KLHL3: variants seen among roughly 807,000 people sequenced by gnomAD.
The protein encoded by KLHL3 is kelch-like protein 3.
A neutral mutation model predicts 70.5 loss-of-function variants in KLHL3; 19 were observed. The observed-to-expected ratio is 0.27, with a 90% CI of 0.19 to 0.40. The LOEUF (loss-of-function observed/expected upper bound fraction) is 0.40. Among genes scored for constraint, KLHL3 ranks in the 10% least tolerant of loss-of-function variants. The pLI, the probability that KLHL3 is intolerant of heterozygous loss-of-function variation, is 1.00. For missense variants in KLHL3, 512 were observed against 771.1 expected, an observed-to-expected ratio of 0.66 and a Z score of 3.98; for synonymous variants, 258 against 290.3, an observed-to-expected ratio of 0.89 and a Z score of 1.13.
chr5:137,689,753 CT>C, intron 5 of KLHL3, among the ~76,000 whole-genome samples: 1 of 152,318 alleles, frequency 6.6e-6, no homozygotes, highest in Admixed American at 6.5e-5. Context: ...GAAGCCAAAA[CT>C]CAGCATCACA....
Position 137,720,589 on chromosome 5 carries a change from G to C in KLHL3, c.15-5C>G, listed in dbSNP as rs1220334558. 1.2e-6 allele frequency: 2 copies of C among 1,613,708 alleles called. No homozygotes were observed. Among genetic ancestry groups the C allele is most frequent in the African/African-American group, 2.7e-5 (2 of 74,894 alleles). ...GTCTGGGAGCTCAGCTTGACACTGT[G>C]AACAGGAAGGAAGAGGGAGGGAAAG... On this transcript the variant is annotated splice_polypyrimidine_tract_variant and splice_region_variant and intron_variant, in intron 1 of 14. Coordinates refer to ENST00000309755, the MANE Select transcript of KLHL3 (RefSeq NM_017415.3).
intron 1 of KLHL3, 72 bp from the exon 2 acceptor site, chr5:137,720,656 GC>G: frequency 1.3e-6 from 2 of 1,599,558 alleles, no homozygotes; most frequent in Non-Finnish European, 1.7e-6. Context: ...ACTGCCAAAA[GC>G]CCATGCATTT....
intron 4 of KLHL3, among the ~76,000 whole-genome samples, chr5:137,692,854 A>ACACACACACAC (rs1561609024): frequency 6.6e-6 from 1 of 150,822 alleles, no homozygotes; most frequent in Non-Finnish European, 1.5e-5. Flanking sequence ...ACACACACAC[A>ACACACACACAC]ATGGTTCTCA....
intron 8 of KLHL3, among the ~76,000 whole-genome samples, chr5:137,649,101 G>T (rs1751133852): frequency 6.6e-6 from 1 of 152,144 alleles, no homozygotes; most frequent in African/African-American, 2.4e-5. Context: ...AGAGCACAGG[G>T]CCTCGGGCCA....
intron 6 of KLHL3, chr5:137,672,613 T>C (rs1410638385): frequency 6.6e-6 from 1 of 152,160 alleles, no homozygotes; most frequent in Non-Finnish European, 1.5e-5. Context: ...CTGAAAAGCC[T>C]CAATAGTGTT....
chr5:137,622,626 T>C (rs1421978251), intron 14 of KLHL3, among the ~76,000 whole-genome samples: 1 of 152,250 alleles, frequency 6.6e-6, no homozygotes, highest in Non-Finnish European at 1.5e-5. Flanking sequence ...CTATGGCCTT[T>C]GGCAAGTTCT....
intron 5 of KLHL3, among the ~76,000 whole-genome samples, chr5:137,691,597 C>T (rs1457523956): frequency 1.4e-5 from 2 of 142,672 alleles, no homozygotes; most frequent in Admixed American, 1.5e-4. Flanking sequence ...CGTTATAAGC[C>T]CTGCAATAGT....
At chr5:137,692,088 C>T (rs1237819259) in intron 5 of KLHL3, among the ~76,000 whole-genome samples, 197 bp downstream of exon 5, 3 of 152,224 alleles carry the variant, frequency 2.0e-5, no homozygotes, top group Non-Finnish European at 4.4e-5. Context: ...GTACCATCCC[C>T]TTGGCAATTA....
chr5:137,622,360 T>G (rs889035675), intron 14 of KLHL3, among the ~76,000 whole-genome samples: 3 of 152,208 alleles, frequency 2.0e-5, no homozygotes, highest in Non-Finnish European at 1.5e-5. Context: ...CACCACTGAC[T>G]AGTGGCCTCA....
chr5:137,684,749 A>G (rs1214415564), intron 5 of KLHL3, among the ~76,000 whole-genome samples: 2 of 152,374 alleles, frequency 1.3e-5, no homozygotes, highest in East Asian at 3.8e-4. Context: ...ATAATGAGGT[A>G]TAAGAAACAG....
Position 137,701,008 on chromosome 5 carries a change from C to A in KLHL3, c.242-2600G>T, listed in dbSNP as rs184439257. Among the ~76,000 whole-genome samples the A allele has an allele frequency of 2.3e-3, 351 of 152,156 alleles. 2 individuals carry two copies. Among genetic ancestry groups the A allele is most frequent in the African/African-American group, 6.9e-3 (287 of 41,508 alleles). On this transcript the variant is annotated intron_variant, in intron 3 of 14. Coordinates refer to ENST00000309755, the MANE Select transcript of KLHL3 (RefSeq NM_017415.3). Reference sequence around the variant, plus strand: ...GTCCAGGAGGTAGACAGTATTATTTCCATTTTACAAATTATAAAACTGGCA... The same window carrying A: ...GTCCAGGAGGTAGACAGTATTATTTACATTTTACAAATTATAAAACTGGCA...
chr5:137,680,551 T>C, intron 5 of KLHL3, among the ~76,000 whole-genome samples: 1 of 151,914 alleles, frequency 6.6e-6, no homozygotes, highest in African/African-American at 2.4e-5. Context: ...TTTTTCTTTT[T>C]TTTTTTTTTT....
At chr5:137,685,726 G>A (rs1012469355) in intron 5 of KLHL3, among the ~76,000 whole-genome samples, 2 of 152,118 alleles carry the variant, frequency 1.3e-5, no homozygotes, top group Admixed American at 6.5e-5. Flanking sequence ...TACCCAGGCT[G>A]GATTCAAATT....
At chr5:137,698,255 A>G (rs1752491842) in intron 4 of KLHL3, 32 bp downstream of exon 4, 2 of 1,613,298 alleles carry the variant, frequency 1.2e-6, no homozygotes, top group African/African-American at 1.3e-5. Flanking sequence ...TGAGTGTGCA[A>G]TACACTGAGC....
intron 3 of KLHL3, 139 bp downstream of exon 3, chr5:137,709,611 A>C: frequency 1.5e-6 from 1 of 677,072 alleles, no homozygotes; most frequent in Non-Finnish European, 2.6e-6. Context: ...CACAAAGCAC[A>C]CTATCTGGCG....
chr5:137,734,851 A>G (rs2149941879), intron 1 of KLHL3, among the ~76,000 whole-genome samples: 2 of 152,332 alleles, frequency 1.3e-5, no homozygotes, highest in African/African-American at 4.8e-5. Flanking sequence ...GCACCTTCAC[A>G]ATGAAAGATT....
intron 13 of KLHL3, 55 bp downstream of exon 13, chr5:137,628,242 T>G: frequency 6.2e-7 from 1 of 1,600,378 alleles, no homozygotes. Flanking sequence ...GCCAGTGTCT[T>G]CAGGGAGAAA....
chr5:137,714,513 T>C (rs1047730969), intron 2 of KLHL3, among the ~76,000 whole-genome samples: 4 of 152,210 alleles, frequency 2.6e-5, no homozygotes, highest in Admixed American at 1.3e-4. Context: ...TTAAATGCAT[T>C]ATGCTAAATG....
chr5:137,650,862 T>C (rs1231779367), intron 8 of KLHL3, among the ~76,000 whole-genome samples: 2 of 149,520 alleles, frequency 1.3e-5, no homozygotes, highest in African/African-American at 4.9e-5. Context: ...GCATACATGA[T>C]TGTTGATAGC....
Sources: gnomAD v4.1 joint callset for allele counts (sites outside exome capture counted in the v4.1 genomes callset) on GRCh38, gnomAD v4.1.1 for gene constraint, MANE v1.5 for transcripts, NCBI Gene and HGNC (gene_info 2026-07-23, HGNC 2026-07-21) for gene names.